Variants in NLGN1 observed in about 807,000 individuals in gnomAD.
NLGN1 encodes neuroligin-1.
In NLGN1, 12 loss-of-function variants were observed where a neutral mutation model predicts 65.5. That is an observed-to-expected ratio of 0.18 (90% CI 0.12 to 0.30). The LOEUF (loss-of-function observed/expected upper bound fraction) is 0.30. NLGN1 is among the 10% of genes least tolerant of loss of function. The pLI is 1.00. For synonymous variants in NLGN1, 350 were observed against 359.5 expected (o/e 0.97, Z 0.30); for missense variants, 750 against 1,007.1 (o/e 0.74, Z 3.46).
intron 2 of NLGN1, among the ~76,000 whole-genome samples, chr3:173,535,309 T>G (rs1737252806): frequency 6.6e-6 from 1 of 152,174 alleles, no homozygotes; most frequent in African/African-American, 2.4e-5. Flanking sequence ...CTCAAGGAAA[T>G]TTGTTAACAT....
intron 4 of NLGN1, among the ~76,000 whole-genome samples, chr3:174,069,831 G>C (rs1456231074): frequency 6.6e-6 from 1 of 152,172 alleles, no homozygotes; most frequent in Non-Finnish European, 1.5e-5. Flanking sequence ...CATAGGCTCG[G>C]AGTCAGAAAG....
intron 4 of NLGN1, among the ~76,000 whole-genome samples, chr3:174,263,802 G>C (rs1747442036): frequency 6.6e-6 from 1 of 151,798 alleles, no homozygotes; most frequent in African/African-American, 2.4e-5. Flanking sequence ...ATTTTGGCTT[G>C]ATTTTGCAGC....
chr3:173,921,415 C>T (rs1252287975), intron 4 of NLGN1, among the ~76,000 whole-genome samples: 1 of 150,944 alleles, frequency 6.6e-6, no homozygotes, highest in East Asian at 1.9e-4. Context: ...ACAAGGAATG[C>T]ATTTACACGT....
chr3:174,080,189 G>A (rs1045637080), intron 4 of NLGN1, among the ~76,000 whole-genome samples: 2 of 152,040 alleles, frequency 1.3e-5, no homozygotes, highest in African/African-American at 2.4e-5. Context: ...TACCCAATGC[G>A]ATGGAAATGC....
intron 4 of NLGN1, among the ~76,000 whole-genome samples, chr3:173,829,471 C>T (rs1722025833): frequency 1.4e-5 from 2 of 144,300 alleles, no homozygotes; most frequent in African/African-American, 5.1e-5. Flanking sequence ...CATGCATATA[C>T]ATTGTGTACT....
chr3:174,236,207 C>T (rs988718957), intron 4 of NLGN1, among the ~76,000 whole-genome samples: 1 of 152,068 alleles, frequency 6.6e-6, no homozygotes, highest in Non-Finnish European at 1.5e-5. Context: ...GAACTGTGTT[C>T]TCTATAGGAT....
intron 4 of NLGN1, among the ~76,000 whole-genome samples, chr3:174,177,867 T>G (rs1385989901): frequency 6.6e-6 from 1 of 152,070 alleles, no homozygotes; most frequent in East Asian, 1.9e-4. Flanking sequence ...TTCACCATAA[T>G]GTAACAACAG....
At chr3:173,460,580 C>G (rs1723221742) in intron 2 of NLGN1, among the ~76,000 whole-genome samples, 1 of 152,004 alleles carries the variant, frequency 6.6e-6, no homozygotes, top group African/African-American at 2.4e-5. Flanking sequence ...TTTATCATTT[C>G]TGGGAACATG....
At chr3:174,266,546 CTATT>C (rs1477910430) in intron 4 of NLGN1, among the ~76,000 whole-genome samples, 1 of 152,054 alleles carries the variant, frequency 6.6e-6, no homozygotes, top group East Asian at 1.9e-4. Flanking sequence ...CATGGCAAAA[CTATT>C]TATATTCCTT....
chr3:173,778,728 G>A (rs562627514), intron 3 of NLGN1, among the ~76,000 whole-genome samples: 1 of 151,798 alleles, frequency 6.6e-6, no homozygotes. Flanking sequence ...AAAAATGCAT[G>A]AAAATTTATT....
intron 2 of NLGN1, among the ~76,000 whole-genome samples, chr3:173,560,790 C>T (rs1742601829): frequency 6.6e-6 from 1 of 152,094 alleles, no homozygotes; most frequent in Non-Finnish European, 1.5e-5. Flanking sequence ...TTATTTTTCA[C>T]ATCTGGAAAA....
At chr3:174,240,687 T>C (rs979099505) in intron 4 of NLGN1, among the ~76,000 whole-genome samples, 19 of 152,200 alleles carry the variant, frequency 1.2e-4, no homozygotes, top group Admixed American at 5.9e-4. Context: ...CCATGGATAT[T>C]ACACTTAAGA....
chr3:173,910,844 C>A (rs1739443999), intron 4 of NLGN1: 1 of 152,112 alleles, frequency 6.6e-6, no homozygotes, highest in South Asian at 2.1e-4. Context: ...AAGTGTTCTT[C>A]GTCATCCATA....
chr3:173,754,769 C>A (rs1776844566), intron 3 of NLGN1, among the ~76,000 whole-genome samples: 1 of 152,104 alleles, frequency 6.6e-6, no homozygotes, highest in Non-Finnish European at 1.5e-5. Flanking sequence ...AGATCTGTAC[C>A]TACACTAATG....
intron 3 of NLGN1, among the ~76,000 whole-genome samples, chr3:173,637,045 A>G (rs907319462): frequency 2.0e-5 from 3 of 152,120 alleles, no homozygotes; most frequent in Non-Finnish European, 2.9e-5. Context: ...TCCTTGTGTT[A>G]GTCTTATAGT....
At chr3:174,163,532 C>T (rs7652878) in intron 4 of NLGN1, among the ~76,000 whole-genome samples, 23,493 of 151,818 alleles carry the variant, frequency 0.15, 3,544 homozygotes, top group African/African-American at 0.4. Flanking sequence ...GATCCCATCA[C>T]CCCGGTACTG....
intron 4 of NLGN1, among the ~76,000 whole-genome samples, chr3:173,944,304 T>A (rs11926024): frequency 0.29 from 44,367 of 151,934 alleles, 6,931 homozygotes; most frequent in African/African-American, 0.38. Context: ...ATCACAAACA[T>A]ACATGTGGAG....
At chr3:173,816,061 C>T (rs1384326411) in intron 4 of NLGN1, among the ~76,000 whole-genome samples, 5 of 82,502 alleles carry the variant, frequency 6.1e-5, no homozygotes, top group Admixed American at 1.3e-4. Flanking sequence ...TAATGAAATA[C>T]TGTAATTATA....
At chr3:173,648,498 TC>T (rs1560104235) in intron 3 of NLGN1, among the ~76,000 whole-genome samples, 1 of 152,110 alleles carries the variant, frequency 6.6e-6, no homozygotes, top group Non-Finnish European at 1.5e-5. Context: ...AATTCCAAAC[TC>T]TTGTACACAG....
Sources: allele counts gnomAD v4.1 joint callset (sites outside exome capture counted in the v4.1 genomes callset), GRCh38; gene constraint gnomAD v4.1.1; transcripts MANE v1.5; gene names NCBI Gene and HGNC (gene_info 2026-07-23, HGNC 2026-07-21).